Variants in OPN3 observed in about 807,000 individuals in gnomAD.
OPN3 encodes the protein opsin-3.
Under a neutral mutation model 33.8 loss-of-function variants are expected in OPN3, and 29 were observed. That is an observed-to-expected ratio of 0.86 (90% CI 0.64 to 1.17). The LOEUF is 1.17. Among genes scored for constraint, OPN3 ranks in the 50% most tolerant of loss-of-function variants. The pLI is 0.00. For synonymous variants in OPN3, 216 were observed against 216.1 expected, an observed-to-expected ratio of 1.00 and a Z score of 0.00; for missense variants, 437 against 514.1, an observed-to-expected ratio of 0.85 and a Z score of 1.45.
intron 1 of OPN3, chr1:241,631,252 G>A (rs1217053529): frequency 4.0e-5 from 6 of 151,452 alleles, no homozygotes; most frequent in Non-Finnish European, 8.8e-5. Flanking sequence ...CTTTATTTTC[G>A]ACTAATTTTT....
At chr1:241,634,502 A>C in intron 1 of OPN3, 1 of 1,613,934 alleles carries the variant, frequency 6.2e-7, no homozygotes, top group East Asian at 2.2e-5. Flanking sequence ...AAAGTGATCT[A>C]TAATTGCTTT....
chr1:241,638,755 C>G (rs1664999017), intron 1 of OPN3, among the ~76,000 whole-genome samples: 1 of 152,036 alleles, frequency 6.6e-6, no homozygotes, highest in Non-Finnish European at 1.5e-5. Context: ...TTCTTATTTC[C>G]TTCAAAACGC....
chr1:241,628,346 C>T (rs1034033705), intron 1 of OPN3, among the ~76,000 whole-genome samples: 1 of 152,084 alleles, frequency 6.6e-6, no homozygotes, highest in African/African-American at 2.4e-5. Flanking sequence ...TCTAATTTCC[C>T]AGAATAATGC....
At chr1:241,626,144 G>C (rs1385899426) in intron 1 of OPN3, among the ~76,000 whole-genome samples, 1 of 152,164 alleles carries the variant, frequency 6.6e-6, no homozygotes. Flanking sequence ...AATACAAGAA[G>C]CCAGGACTAT....
intron 2 of OPN3, among the ~76,000 whole-genome samples, chr1:241,599,605 G>C (rs181090208): frequency 6.6e-6 from 1 of 152,112 alleles, no homozygotes; most frequent in Non-Finnish European, 1.5e-5. Context: ...TAATGGGATA[G>C]AATATTTTTC....
chr1:241,638,544 T>C (rs1664990782), intron 1 of OPN3, among the ~76,000 whole-genome samples: 1 of 152,216 alleles, frequency 6.6e-6, no homozygotes, highest in African/African-American at 2.4e-5. Flanking sequence ...TTCTTAGCAT[T>C]GCCGAAGAAA....
intron 1 of OPN3, chr1:241,634,408 C>T (rs746772887): frequency 1.2e-6 from 2 of 1,613,802 alleles, no homozygotes; most frequent in Non-Finnish European, 1.7e-6. Context: ...CCCTAGAGAT[C>T]TGCTTATACT....
chr1:241,620,045 G>A (rs1433399975), intron 1 of OPN3, among the ~76,000 whole-genome samples: 5 of 151,216 alleles, frequency 3.3e-5, no homozygotes, highest in African/African-American at 9.7e-5. Flanking sequence ...AGTGCCAGAG[G>A]AGCCCAGACA....
chr1:241,614,818 C>T (rs2148009322), intron 1 of OPN3, among the ~76,000 whole-genome samples: 1 of 151,660 alleles, frequency 6.6e-6, no homozygotes, highest in Non-Finnish European at 1.5e-5. Flanking sequence ...TTAGGCTTTT[C>T]TGCCTATAGT....
At chr1:241,602,874 G>T (rs939891438) in intron 2 of OPN3, among the ~76,000 whole-genome samples, 2 of 152,074 alleles carry the variant, frequency 1.3e-5, no homozygotes, top group Non-Finnish European at 2.9e-5. Flanking sequence ...GCAAGAAATT[G>T]GCATATTTGA....
chr1:241,628,278 C>T (rs969068002), intron 1 of OPN3, among the ~76,000 whole-genome samples: 1 of 152,072 alleles, frequency 6.6e-6, no homozygotes, highest in African/African-American at 2.4e-5. Flanking sequence ...GGTACCTTAC[C>T]TTAAGGAAAA....
At chr1:241,607,256 T>C (rs1402852858) in intron 1 of OPN3, among the ~76,000 whole-genome samples, 1 of 152,186 alleles carries the variant, frequency 6.6e-6, no homozygotes, top group Non-Finnish European at 1.5e-5. Context: ...GGCTCACACC[T>C]ATAATCTCAA....
At chr1:241,624,389 A>T (rs1017635498) in intron 1 of OPN3, among the ~76,000 whole-genome samples, 1 of 152,142 alleles carries the variant, frequency 6.6e-6, no homozygotes, top group African/African-American at 2.4e-5. Flanking sequence ...TTCTTCCTAC[A>T]TGGGGTGTTG....
At chr1:241,634,478 T>C in intron 1 of OPN3, 4 of 1,613,818 alleles carry the variant, frequency 2.5e-6, no homozygotes, top group Non-Finnish European at 3.4e-6. Flanking sequence ...ATATTTAGCA[T>C]TTATTCTTTG....
intron 1 of OPN3, among the ~76,000 whole-genome samples, chr1:241,622,337 T>A (rs1664288389): frequency 6.6e-6 from 1 of 152,236 alleles, no homozygotes; most frequent in South Asian, 2.1e-4. Context: ...TAGGTTAAAT[T>A]CTTGACAATA....
At chr1:241,623,048 T>A (rs1664310801) in intron 1 of OPN3, among the ~76,000 whole-genome samples, 1 of 151,954 alleles carries the variant, frequency 6.6e-6, no homozygotes, top group African/African-American at 2.4e-5. Context: ...GAAGTTTGTT[T>A]TTTTTAAAGA....
intron 1 of OPN3, among the ~76,000 whole-genome samples, chr1:241,616,485 CT>C (rs1245613257): frequency 6.6e-6 from 1 of 152,124 alleles, no homozygotes; most frequent in Non-Finnish European, 1.5e-5. Context: ...CTATTTCCTA[CT>C]TACTATATTT....
At chr1:241,596,522 CAAAGAG>C (rs1663516570) in intron 3 of OPN3, among the ~76,000 whole-genome samples, 1 of 152,022 alleles carries the variant, frequency 6.6e-6, no homozygotes. Flanking sequence ...CAATAATACT[CAAAGAG>C]AAGGAAAGGC....
chr1:241,634,937 G>A, intron 1 of OPN3: 1 of 1,613,048 alleles, frequency 6.2e-7, no homozygotes, highest in Non-Finnish European at 8.5e-7. Context: ...TCTGGAACAA[G>A]GAACTTGTTC....
Sources: gnomAD v4.1 joint callset for allele counts (sites outside exome capture counted in the v4.1 genomes callset) on GRCh38, gnomAD v4.1.1 for gene constraint, MANE v1.5 for transcripts, NCBI Gene and HGNC (gene_info 2026-07-23, HGNC 2026-07-21) for gene names.